Variants in FGGY observed in about 807,000 individuals in gnomAD.
FGGY encodes FGGY carbohydrate kinase domain containing, also known as FGGY carbohydrate kinase domain-containing protein.
In FGGY, 72 loss-of-function variants were observed where a neutral mutation model predicts 71.3. The ratio of observed to expected loss-of-function variants is 1.01; its 90% CI spans 0.84 to 1.23. FGGY has a LOEUF of 1.23. FGGY is among the 50% of genes most tolerant of loss of function. The pLI is 0.00. For missense variants in FGGY, 668 were observed against 682.3 expected (o/e 0.98, Z 0.23); for synonymous variants, 251 against 250.3 (o/e 1.00, Z -0.02).
intron 14 of FGGY, among the ~76,000 whole-genome samples, chr1:59,738,575 G>A (rs1001350308): frequency 6.6e-6 from 1 of 152,204 alleles, no homozygotes; most frequent in South Asian, 2.1e-4. Flanking sequence ...TCATGATTGG[G>A]AAGTTGTAGG....
chr1:59,714,401 A>G (rs897835222), intron 14 of FGGY, among the ~76,000 whole-genome samples: 69 of 152,144 alleles, frequency 4.5e-4, no homozygotes, highest in Admixed American at 1.7e-3. Context: ...TGTGGCTTCC[A>G]TCATTGCTTT....
chr1:59,551,741 T>G (rs2095611480), intron 7 of FGGY, among the ~76,000 whole-genome samples: 1 of 152,160 alleles, frequency 6.6e-6, no homozygotes, highest in Non-Finnish European at 1.5e-5. Flanking sequence ...TTTCTAAGCT[T>G]CGATTTTCTT....
intron 5 of FGGY, among the ~76,000 whole-genome samples, chr1:59,387,992 A>C (rs961703155): frequency 1.3e-5 from 2 of 152,184 alleles, no homozygotes; most frequent in Non-Finnish European, 2.9e-5. Context: ...ATTAAAACAT[A>C]TTAGCTAAAT....
chr1:59,639,804 C>T (rs1352871326), intron 11 of FGGY, among the ~76,000 whole-genome samples: 2 of 152,166 alleles, frequency 1.3e-5, no homozygotes, highest in African/African-American at 2.4e-5. Flanking sequence ...GGAGCCTTCC[C>T]TAGCCAATGT....
At chr1:59,337,552 C>T (rs1238612164) in intron 2 of FGGY, among the ~76,000 whole-genome samples, 1 of 152,140 alleles carries the variant, frequency 6.6e-6, no homozygotes, top group Admixed American at 6.5e-5. Context: ...AGCTAGGCAT[C>T]CCTCAATCCA....
intron 7 of FGGY, among the ~76,000 whole-genome samples, chr1:59,549,815 G>C (rs758905000): frequency 6.6e-6 from 1 of 152,128 alleles, no homozygotes; most frequent in Non-Finnish European, 1.5e-5. Context: ...TCAATGCTTG[G>C]GTGGAAGTAT....
intron 7 of FGGY, among the ~76,000 whole-genome samples, chr1:59,519,521 G>A (rs1458291858): frequency 1.3e-5 from 2 of 152,126 alleles, no homozygotes; most frequent in Non-Finnish European, 2.9e-5. Context: ...ATCTAATTAC[G>A]ACACTGCTTT....
chr1:59,623,159 G>A (rs985859565), intron 9 of FGGY, among the ~76,000 whole-genome samples: 1 of 152,110 alleles, frequency 6.6e-6, no homozygotes, highest in Non-Finnish European at 1.5e-5. Context: ...GCCAACCTGT[G>A]ATCTTTGTCT....
intron 8 of FGGY, among the ~76,000 whole-genome samples, chr1:59,592,046 A>G (rs576502136): frequency 6.6e-6 from 1 of 152,232 alleles, no homozygotes; most frequent in Non-Finnish European, 1.5e-5. Context: ...CTCATCTGAC[A>G]AAGGGCTAAT....
In FGGY at chr1:59,556,966, TG is replaced by T. The variant is rs375471232; in HGVS notation, c.903+2742del. On this transcript the variant is annotated intron_variant, in intron 8 of 15. Transcript: ENST00000303721. The stretch of plus-strand genomic sequence containing the variant: ...CCCCACCCCCATCCTGCTTTGTACT[TG>T]GGAGTGGGAAGGGACCCTCTGGGCC... 2.6e-5 allele frequency among the ~76,000 whole-genome samples: 4 copies of T among 152,246 alleles called. No individual in the cohort carries two copies. In the East Asian group the frequency reaches 5.8e-4, roughly 22 times the overall value.
At chr1:59,719,880 G>C (rs74884913) in intron 14 of FGGY, among the ~76,000 whole-genome samples, 1 of 152,222 alleles carries the variant, frequency 6.6e-6, no homozygotes, top group African/African-American at 2.4e-5. Flanking sequence ...ACCTGTGATT[G>C]AGTGTGGCAT....
At chr1:59,425,047 T>G (rs2066106410) in intron 5 of FGGY, among the ~76,000 whole-genome samples, 1 of 152,210 alleles carries the variant, frequency 6.6e-6, no homozygotes, top group South Asian at 2.1e-4. Flanking sequence ...ATCTCTGAGT[T>G]TCAGTTTCCT....
chr1:59,583,833 G>C (rs2096237447), intron 8 of FGGY, among the ~76,000 whole-genome samples: 2 of 142,238 alleles, frequency 1.4e-5, no homozygotes, highest in South Asian at 2.7e-4. Flanking sequence ...AATTCAACTG[G>C]AGACCCTCAA....
intron 8 of FGGY, among the ~76,000 whole-genome samples, chr1:59,564,879 G>A (rs1248092747): frequency 2.0e-5 from 3 of 152,208 alleles, no homozygotes; most frequent in Non-Finnish European, 4.4e-5. Context: ...AAAGCCTTTA[G>A]GGGGAATCTA....
intron 8 of FGGY, among the ~76,000 whole-genome samples, chr1:59,564,003 C>T (rs1293111696): frequency 6.6e-6 from 1 of 152,176 alleles, no homozygotes; most frequent in Non-Finnish European, 1.5e-5. Flanking sequence ...AAAACTGAAA[C>T]TGGACCCCTT....
chr1:59,709,395 G>A (rs1317956256), intron 14 of FGGY, among the ~76,000 whole-genome samples: 1 of 151,504 alleles, frequency 6.6e-6, no homozygotes, highest in Admixed American at 6.6e-5. Context: ...CTTCCTACCA[G>A]GTCCCTCCCT....
chr1:59,686,493 C>A (rs2097545408), intron 14 of FGGY, among the ~76,000 whole-genome samples: 2 of 152,184 alleles, frequency 1.3e-5, no homozygotes, highest in African/African-American at 4.8e-5. Flanking sequence ...TTATAAACCA[C>A]ATTAAGTGAT....
At position 59,482,600 on chromosome 1, in the gene FGGY, G is replaced by A. The variant is rs149694325; in HGVS notation, c.670+25524G>A. Among the ~76,000 whole-genome samples, 1,324 of 145,652 alleles carry A rather than the reference G, an allele frequency of 9.1e-3. 10 individuals carry two copies. Among genetic ancestry groups the A allele is most frequent in the Middle Eastern group, 0.018 (5 of 282 alleles). ...TGTGTGTGTGTGTGTGTCTGTGTGT[G>A]TATATATACATATGTGTGTGTGTGT... is the stretch of plus-strand genomic sequence containing the variant. On this transcript the variant is annotated intron_variant, in intron 6 of 15. Transcript: ENST00000303721.
intron 6 of FGGY, among the ~76,000 whole-genome samples, chr1:59,497,855 G>A (rs1414819063): frequency 5.3e-5 from 8 of 152,134 alleles, no homozygotes; most frequent in South Asian, 2.1e-4. Flanking sequence ...CTGTCTTCGC[G>A]TTGTTTCAGA....
Sources: allele counts gnomAD v4.1 joint callset (sites outside exome capture counted in the v4.1 genomes callset), GRCh38; gene constraint gnomAD v4.1.1; transcripts MANE v1.5; gene names NCBI Gene and HGNC (gene_info 2026-07-23, HGNC 2026-07-21).